AFF4: variants seen among roughly 807,000 people sequenced by gnomAD.
AFF4 encodes ALF transcription elongation factor 4.
In AFF4, 13 loss-of-function variants were observed where a neutral mutation model predicts 124.8. The ratio of observed to expected loss-of-function variants is 0.10; its 90% CI spans 0.07 to 0.17. AFF4 has a LOEUF of 0.17. Among genes scored for constraint, AFF4 ranks in the 10% least tolerant of loss-of-function variants. The pLI is 1.00. For synonymous variants in AFF4, 477 were observed against 496.1 expected (o/e 0.96, Z 0.51); for missense variants, 1,092 against 1,403.8 (o/e 0.78, Z 3.55).
chr5:132,955,980 AATAT>A (rs1753983050), intron 1 of AFF4, among the ~76,000 whole-genome samples: 1 of 148,864 alleles, frequency 6.7e-6, no homozygotes, highest in Non-Finnish European at 1.5e-5. Flanking sequence ...CAAGATGTGT[AATAT>A]ATAAATATAT....
At chr5:132,926,969 G>A in intron 5 of AFF4, 152 bp downstream of exon 5, 1 of 615,304 alleles carries the variant, frequency 1.6e-6, no homozygotes, top group South Asian at 2.1e-5. Flanking sequence ...CTTCATAACA[G>A]TTGTCACTAT....
intron 13 of AFF4, among the ~76,000 whole-genome samples, chr5:132,890,487 C>T (rs1760227872): frequency 6.6e-6 from 1 of 152,114 alleles, no homozygotes; most frequent in African/African-American, 2.4e-5. Context: ...ATTTGCTTTT[C>T]AGAGGATTTC....
intron 1 of AFF4, among the ~76,000 whole-genome samples, chr5:132,959,796 G>A (rs10062178): frequency 3.8e-4 from 47 of 123,546 alleles, no homozygotes; most frequent in East Asian, 2.1e-3. Flanking sequence ...ACGGAGTCTC[G>A]CTCTGTTGCC....
At chr5:132,952,601 T>C (rs1243469356) in intron 1 of AFF4, among the ~76,000 whole-genome samples, 1 of 152,122 alleles carries the variant, frequency 6.6e-6, no homozygotes, top group Non-Finnish European at 1.5e-5. Flanking sequence ...AAGCTTAAAA[T>C]ATCTCTATGT....
intron 1 of AFF4, among the ~76,000 whole-genome samples, chr5:132,941,696 GT>G (rs1241523637): frequency 6.6e-6 from 1 of 151,108 alleles, no homozygotes; most frequent in Non-Finnish European, 1.5e-5. Flanking sequence ...GATGTGTGGG[GT>G]TTTTTTTCGC....
chr5:132,933,893 A>G (rs184458551), intron 3 of AFF4, among the ~76,000 whole-genome samples: 112 of 152,356 alleles, frequency 7.4e-4, no homozygotes, highest in African/African-American at 2.5e-3. Context: ...CTTTTATTCT[A>G]TAACTGACTT....
intron 5 of AFF4, among the ~76,000 whole-genome samples, chr5:132,911,368 A>C (rs1263946914): frequency 6.6e-6 from 1 of 152,180 alleles, no homozygotes; most frequent in African/African-American, 2.4e-5. Context: ...GTAAGAAGTT[A>C]ATAAATATCT....
intron 5 of AFF4, among the ~76,000 whole-genome samples, chr5:132,909,574 T>C (rs2150081393): frequency 6.6e-6 from 1 of 152,222 alleles, no homozygotes; most frequent in East Asian, 1.9e-4. Flanking sequence ...GATAGAGAGA[T>C]TAAAAAGAGA....
chr5:132,895,587 T>C (rs1266842926), intron 11 of AFF4, among the ~76,000 whole-genome samples: 1 of 152,236 alleles, frequency 6.6e-6, no homozygotes. Flanking sequence ...TTCTTTGATA[T>C]AGACTACTTA....
At chr5:132,941,626 G>A (rs553017454) in intron 1 of AFF4, among the ~76,000 whole-genome samples, 2 of 152,200 alleles carry the variant, frequency 1.3e-5, no homozygotes, top group South Asian at 2.1e-4. Context: ...GTGAGCCACA[G>A]TGCCCAGCCA....
intron 13 of AFF4, chr5:132,891,800 C>CT (rs11441608): frequency 0.55 from 121,717 of 222,954 alleles, 30,114 homozygotes; most frequent in South Asian, 0.59. Context: ...TGGTTTCTAT[C>CT]TTTTTTTTTT....
rs748162810 is a variant in AFF4 at position 132,889,156 on chromosome 5, G to A, written c.2655C>T (p.Ser885=). 6.2e-7 allele frequency: 1 copy of A among 1,613,612 alleles called. No homozygotes were observed. The highest frequency in any genetic ancestry group is 1.7e-5 in the Admixed American group (1 of 60,008). The stretch of plus-strand genomic sequence containing the variant: ...GTGCAGATGGAGGACAGTTAGAGGA[G>A]CTACTTGGAGCCTTTTCCTGACCAA... ...SKEVKEKAPS[S]SSNCPPSAPT... is the part of the protein sequence containing the mutation. The change falls in exon 14 of 21, where the codon AGC becomes AGT. Residue 885 remains serine, a synonymous_variant. Transcript: ENST00000265343.
chr5:132,898,763 C>T (rs1356999987), intron 9 of AFF4, among the ~76,000 whole-genome samples: 4 of 152,152 alleles, frequency 2.6e-5, no homozygotes, highest in South Asian at 2.1e-4. Context: ...GGATTACAGG[C>T]GTGAGCCACC....
intron 5 of AFF4, among the ~76,000 whole-genome samples, chr5:132,924,646 G>A (rs997030933): frequency 1.3e-5 from 2 of 152,100 alleles, no homozygotes; most frequent in Non-Finnish European, 2.9e-5. Context: ...CTGAGGTCAG[G>A]AGTTCGAGAC....
chr5:132,931,454 G>A (rs1434238853), intron 4 of AFF4, among the ~76,000 whole-genome samples: 1 of 152,002 alleles, frequency 6.6e-6, no homozygotes, highest in Non-Finnish European at 1.5e-5. Context: ...TGCAAAACTG[G>A]AAGGAAATCT....
chr5:132,937,452 T>C (rs1761459035), intron 1 of AFF4, among the ~76,000 whole-genome samples: 1 of 152,204 alleles, frequency 6.6e-6, no homozygotes, highest in African/African-American at 2.4e-5. Context: ...TATCAATGTT[T>C]GAAGTACTCT....
At chr5:132,901,148 T>G (rs902529561) in intron 7 of AFF4, 1 of 985,192 alleles carries the variant, frequency 1.0e-6, no homozygotes, top group East Asian at 1.1e-4. Flanking sequence ...GGAAATGTAC[T>G]TAGTCTGAAT....
intron 1 of AFF4, among the ~76,000 whole-genome samples, chr5:132,958,538 AGTGGG>A (rs1308824239): frequency 6.6e-6 from 1 of 150,834 alleles, no homozygotes; most frequent in Non-Finnish European, 1.5e-5. Flanking sequence ...TCACAACTGG[AGTGGG>A]GTGAAGAATT....
intron 13 of AFF4, chr5:132,891,940 C>T (rs1760269102): frequency 6.0e-6 from 4 of 664,906 alleles, no homozygotes; most frequent in South Asian, 2.0e-5. Context: ...AGCCACTGTA[C>T]CCAAGGGTTT....
Sources: allele counts gnomAD v4.1 joint callset (sites outside exome capture counted in the v4.1 genomes callset), GRCh38; gene constraint gnomAD v4.1.1; transcripts MANE v1.5; gene names NCBI Gene and HGNC (gene_info 2026-07-23, HGNC 2026-07-21).